The following PIGH variants were observed in gnomAD, a reference collection of about 807,000 sequenced individuals.
The protein encoded by PIGH is phosphatidylinositol N-acetylglucosaminyltransferase subunit H.
Under a neutral mutation model 20.1 loss-of-function variants are expected in PIGH, and 11 were observed. The ratio of observed to expected loss-of-function variants is 0.55; its 90% CI spans 0.34 to 0.91. The LOEUF (loss-of-function observed/expected upper bound fraction) is 0.91. Ranked by LOEUF, PIGH falls within the 40% of genes least tolerant of loss-of-function variation. The pLI, the probability that PIGH is intolerant of heterozygous loss-of-function variation, is 0.02. For synonymous variants in PIGH, 72 were observed against 93.1 expected, an observed-to-expected ratio of 0.77 and a Z score of 1.31; for missense variants, 189 against 233.6, an observed-to-expected ratio of 0.81 and a Z score of 1.24.
chr14:67,589,429 T>C lies in PIGH; in HGVS notation c.*651A>G. On this transcript the variant is annotated 3_prime_UTR_variant, in exon 4 of 4. Transcript: ENST00000216452. ...TTGGCAAAAGTAGCTTTTGAACTGA[T>C]ATAAAAAAAAATGCTGAGTAACAGA... 9 of 985,264 alleles carry C rather than the reference T, an allele frequency of 9.1e-6. No individual in the cohort carries two copies. Among genetic ancestry groups the C allele is most frequent in the Non-Finnish European group, 1.1e-5 (9 of 829,844 alleles). The allele number at this position is 985,264 out of a possible 1,614,324, so 61.0% of individuals were successfully genotyped here.
chr14:67,590,718 C>T (rs1186135546), intron 3 of PIGH, among the ~76,000 whole-genome samples: 1 of 152,170 alleles, frequency 6.6e-6, no homozygotes, highest in Non-Finnish European at 1.5e-5. Flanking sequence ...GCAGTGAGCT[C>T]ATGGAGTTAA....
At position 67,590,023 on chromosome 14, in the gene PIGH, T is replaced by G. The variant is rs182566698; in HGVS notation, c.*57A>C. On this transcript the variant is annotated 3_prime_UTR_variant, in exon 4 of 4. Transcript: ENST00000216452. ...GTTTGGAGTACGGAAAACCAGCCCCTATGGCTTAAGAGTCATCTCCCATGG... is the reference window on the plus strand; with the variant it reads ...GTTTGGAGTACGGAAAACCAGCCCCGATGGCTTAAGAGTCATCTCCCATGG... 183 of 1,507,620 alleles carry G rather than the reference T, an allele frequency of 1.2e-4. No individual in the cohort carries two copies. In the East Asian group the frequency reaches 3.7e-3, roughly 31 times the overall value. The allele number at this position is 1,507,620 out of a possible 1,614,324, so 93.4% of individuals were successfully genotyped here. A position where few individuals can be genotyped will look rare whatever the true frequency, so the allele number is the denominator to read the frequency against.
chr14:67,595,351 G>C (rs763524634), intron 1 of PIGH, among the ~76,000 whole-genome samples: 1 of 152,048 alleles, frequency 6.6e-6, no homozygotes, highest in African/African-American at 2.4e-5. Context: ...TATTGTTTCC[G>C]CATCATCCTA....
intron 1 of PIGH, among the ~76,000 whole-genome samples, chr14:67,594,522 C>A (rs2036434807): frequency 6.6e-6 from 1 of 152,058 alleles, no homozygotes; most frequent in Non-Finnish European, 1.5e-5. Flanking sequence ...TGGCACGTGC[C>A]TCTAGTCCCA....
chr14:67,592,683 T>G lies in PIGH; in HGVS notation c.426A>C (p.Lys142Asn). 1.2e-6 allele frequency: 2 copies of G among 1,608,900 alleles called. No individual in the cohort carries two copies. The highest frequency in any genetic ancestry group is 1.7e-6 in the Non-Finnish European group (2 of 1,176,924). Residue 142 changes from lysine (K) to asparagine (N), a missense_variant, in exon 3 of 4, where the codon AAA becomes AAC. Lys to Asn is a moderately conservative substitution (Grantham distance 94, BLOSUM62 0). Coordinates refer to ENST00000216452, the MANE Select transcript of PIGH (RefSeq NM_004569.5). ...ATATCCCATGTGGTTCCACTGGATCTTTCAATAAGATGCAGAGGTAGTAAA... is the reference window on the plus strand; with the variant it reads ...ATATCCCATGTGGTTCCACTGGATCGTTCAATAAGATGCAGAGGTAGTAAA... Reference protein sequence around the residue: ...KVIYYLCILLKDPVEPHGISQ... With the variant: ...KVIYYLCILLNDPVEPHGISQ...
chr14:67,593,621 A>G lies in PIGH; in HGVS notation c.390+122T>C, dbSNP rs1594808087. 9.7e-6 allele frequency: 6 copies of G among 617,468 alleles called. No homozygotes were observed. In the East Asian group the frequency reaches 1.6e-4, roughly 17 times the overall value. The allele number at this position is 617,468 out of a possible 1,614,324, so 38.2% of individuals were successfully genotyped here. Reference sequence around the variant, plus strand: ...AAACCTGCTGCATCTCTTTAAAAATAAAGAGATTTACCTTTTAAATATAAG... The same window carrying G: ...AAACCTGCTGCATCTCTTTAAAAATGAAGAGATTTACCTTTTAAATATAAG... On this transcript the variant is annotated intron_variant, in intron 2 of 3. Coordinates refer to ENST00000216452, the MANE Select transcript of PIGH (RefSeq NM_004569.5).
chr14:67,594,273 C>T (rs1280120412), intron 1 of PIGH, among the ~76,000 whole-genome samples: 1 of 150,670 alleles, frequency 6.6e-6, no homozygotes. Flanking sequence ...CGTTTGAGCC[C>T]AGGAGTTCGA....
intron 3 of PIGH, among the ~76,000 whole-genome samples, chr14:67,590,874 G>A (rs554707182): frequency 6.6e-6 from 1 of 152,132 alleles, no homozygotes; most frequent in South Asian, 2.1e-4. Flanking sequence ...ATAAGCAAGA[G>A]GAAAAACAAA....
At chr14:67,591,648 C>T (rs1346464581) in intron 3 of PIGH, among the ~76,000 whole-genome samples, 1 of 152,134 alleles carries the variant, frequency 6.6e-6, no homozygotes, top group East Asian at 1.9e-4. Context: ...CCTCCCACCT[C>T]AGCTTCCCCA....
At chr14:67,594,386 C>T (rs552125185) in intron 1 of PIGH, among the ~76,000 whole-genome samples, 4 of 152,172 alleles carry the variant, frequency 2.6e-5, no homozygotes, top group Non-Finnish European at 5.9e-5. Context: ...AGGTGGCTCA[C>T]GCCTGTACTC....
chr14:67,596,531 G>A (rs1191564502), intron 1 of PIGH, among the ~76,000 whole-genome samples: 2 of 151,882 alleles, frequency 1.3e-5, no homozygotes, highest in African/African-American at 4.8e-5. Context: ...ATTCCTTGAG[G>A]GCAGGAAGTG....
chr14:67,593,672 A>G, intron 2 of PIGH, 71 bp downstream of exon 2: 2 of 856,316 alleles, frequency 2.3e-6, no homozygotes, highest in East Asian at 2.4e-5. Context: ...TTTAGTTTAA[A>G]TCTGGGAACA....
In PIGH at chr14:67,600,237, G is replaced by C. The variant is rs1444645151; in HGVS notation, c.-34C>G. 3 of 1,506,852 alleles carry C rather than the reference G, an allele frequency of 2.0e-6. No individual in the cohort carries two copies. Among genetic ancestry groups the C allele is most frequent in the Admixed American group, 4.2e-5 (2 of 47,298 alleles). 93.3% of individuals were successfully genotyped at this position (1,506,852 alleles called of 1,614,324 possible). ...CACTCGGCCGCCCGCACCGCGCGGC[G>C]CTGCACTGCGCTCGCCGGCCCTGGC... On this transcript the variant is annotated 5_prime_UTR_variant, in exon 1 of 4. Transcript: ENST00000216452.
intron 3 of PIGH, 38 bp downstream of exon 3, chr14:67,592,597 G>T: frequency 8.4e-7 from 1 of 1,185,662 alleles, no homozygotes; most frequent in Non-Finnish European, 1.3e-6. Context: ...AAAAGGTTGA[G>T]GAGTAATTGG....
intron 2 of PIGH, 105 bp downstream of exon 2, chr14:67,593,638 A>G (rs2036417362): frequency 9.1e-6 from 6 of 656,910 alleles, no homozygotes; most frequent in Admixed American, 2.7e-5. Flanking sequence ...TTTACCTTTT[A>G]AATATAAGTC....
chr14:67,598,519 TA>T (rs35868616), intron 1 of PIGH, among the ~76,000 whole-genome samples: 22,196 of 152,042 alleles, frequency 0.15, 1,991 homozygotes, highest in East Asian at 0.3. Flanking sequence ...GTTCTAGGGC[TA>T]AAGTAAGGAA....
intron 1 of PIGH, among the ~76,000 whole-genome samples, chr14:67,597,304 C>A (rs1353410505): frequency 6.6e-6 from 1 of 152,044 alleles, no homozygotes; most frequent in African/African-American, 2.4e-5. Context: ...CTAGTGAGAC[C>A]CTGTCTCTAC....
At chr14:67,595,800 G>A (rs1351472959) in intron 1 of PIGH, among the ~76,000 whole-genome samples, 3 of 152,142 alleles carry the variant, frequency 2.0e-5, no homozygotes, top group East Asian at 3.9e-4. Flanking sequence ...AGGACCAGGT[G>A]GAGGACAAGT....
In PIGH at chr14:67,592,814, C is replaced by A. The variant is rs566648450; in HGVS notation, c.391-96G>T. ...TATTTATTTATTTTTGAGACAGAGT[C>A]TCTCTCTGTTGCCCAAGCTGCAGTG... is the stretch of plus-strand genomic sequence containing the variant. On this transcript the variant is annotated intron_variant, in intron 2 of 3. Transcript: ENST00000216452. 103 of 807,386 alleles carry A rather than the reference C, an allele frequency of 1.3e-4. No individual in the cohort carries two copies. The African/African-American group carries it at 1.7e-3, about 13-fold the overall frequency. The allele number at this position is 807,386 out of a possible 1,614,324, so 50.0% of individuals were successfully genotyped here.
Sources: gnomAD v4.1 joint callset for allele counts (sites outside exome capture counted in the v4.1 genomes callset) on GRCh38, gnomAD v4.1.1 for gene constraint, MANE v1.5 for transcripts, NCBI Gene and HGNC (gene_info 2026-07-23, HGNC 2026-07-21) for gene names.